The following PRKG1 variants were observed in gnomAD, a reference collection of about 807,000 sequenced individuals.
PRKG1 encodes the protein protein kinase cGMP-dependent 1, also known as cGMP-dependent protein kinase 1.
Under a neutral mutation model 88.1 loss-of-function variants are expected in PRKG1, and 35 were observed. The ratio of observed to expected loss-of-function variants is 0.40; its 90% CI spans 0.30 to 0.53. PRKG1 has a LOEUF of 0.53. Among genes scored for constraint, PRKG1 ranks in the 20% least tolerant of loss-of-function variants. The pLI is 0.59. For missense variants in PRKG1, 540 were observed against 839.8 expected (o/e 0.64, Z 4.41); for synonymous variants, 303 against 292.5 (o/e 1.04, Z -0.37).
intron 3 of PRKG1, among the ~76,000 whole-genome samples, chr10:51,571,668 T>C (rs1464537160): frequency 6.6e-6 from 1 of 151,986 alleles, no homozygotes; most frequent in Non-Finnish European, 1.5e-5. Flanking sequence ...CATACTGATA[T>C]GGCAGATTTC....
chr10:51,229,495 CAGAGCT>C (rs1018077469), intron 2 of PRKG1, among the ~76,000 whole-genome samples: 123 of 152,264 alleles, frequency 8.1e-4, no homozygotes, highest in African/African-American at 2.8e-3. Flanking sequence ...TGGTGAAGCT[CAGAGCT>C]AGATAACCTT....
Position 50,991,334 on chromosome 10 carries a change from C to A in PRKG1, c.-45C>A. 1 of 1,496,836 alleles carries A rather than the reference C, an allele frequency of 6.7e-7. No individual in the cohort carries two copies. Among genetic ancestry groups the A allele is most frequent in the Non-Finnish European group, 8.9e-7 (1 of 1,125,684 alleles). 92.7% of individuals were successfully genotyped at this position (1,496,836 alleles called of 1,614,324 possible). A position where few individuals can be genotyped will look rare whatever the true frequency, so the allele number is the denominator to read the frequency against. Reference sequence around the variant, plus strand: ...CAGCCGCCGCCGCCGCCGCCGCCGCCGCCGCCGCCCGAGAAAAAGTTTCGC... The same window carrying A: ...CAGCCGCCGCCGCCGCCGCCGCCGCAGCCGCCGCCCGAGAAAAAGTTTCGC... On this transcript the variant is annotated 5_prime_UTR_variant, in exon 1 of 18. Coordinates refer to the PRKG1 transcript ENST00000401604. This position sits in a 1 kb window ranked among gnomAD's most constrained non-coding sequence, Gnocchi z 4.5.
intron 4 of PRKG1, among the ~76,000 whole-genome samples, chr10:51,854,523 A>G (rs1032252546): frequency 6.6e-6 from 1 of 152,194 alleles, no homozygotes; most frequent in African/African-American, 2.4e-5. Context: ...GTACTGTGAA[A>G]TATAACACAA....
At chr10:52,193,158 A>G (rs1839408293) in intron 9 of PRKG1, among the ~76,000 whole-genome samples, 1 of 152,150 alleles carries the variant, frequency 6.6e-6, no homozygotes, top group African/African-American at 2.4e-5. Flanking sequence ...CACCTTAGAA[A>G]TTGTCCATTG....
At chr10:51,058,847 A>G (rs1255678149) in intron 1 of PRKG1, among the ~76,000 whole-genome samples, 1 of 152,170 alleles carries the variant, frequency 6.6e-6, no homozygotes, top group East Asian at 1.9e-4. Flanking sequence ...TCACACAAAA[A>G]GGGGCACAAG....
At chr10:51,728,449 C>CTTTTTTTTTTTT (rs201683049) in intron 3 of PRKG1, among the ~76,000 whole-genome samples, 27 of 57,906 alleles carry the variant, frequency 4.7e-4, no homozygotes, top group African/African-American at 8.9e-4. Flanking sequence ...TCCATTTTTT[C>CTTTTTTTTTTTT]TTTGTTTTTT....
chr10:51,484,306 A>G (rs1241265464), intron 3 of PRKG1, among the ~76,000 whole-genome samples: 2 of 152,202 alleles, frequency 1.3e-5, no homozygotes, highest in African/African-American at 2.4e-5. Flanking sequence ...TGTCTTTACT[A>G]AAGGCCATCG....
At chr10:51,907,715 C>T (rs550351841) in intron 5 of PRKG1, 145 bp downstream of exon 5, 4 of 611,006 alleles carry the variant, frequency 6.5e-6, no homozygotes, top group East Asian at 2.9e-5. Context: ...TATTTGGCTT[C>T]GTATAGAAAG....
intron 2 of PRKG1, among the ~76,000 whole-genome samples, chr10:51,211,476 C>G (rs555557862): frequency 3.9e-5 from 6 of 152,054 alleles, no homozygotes; most frequent in Non-Finnish European, 7.4e-5. Context: ...GGCAGTCAGG[C>G]AGGAGAAGGG....
intron 2 of PRKG1, among the ~76,000 whole-genome samples, chr10:51,249,800 A>T (rs1839383853): frequency 6.6e-6 from 1 of 151,834 alleles, no homozygotes; most frequent in Admixed American, 6.6e-5. Context: ...TGAACATGAC[A>T]AACACTACTA....
intron 5 of PRKG1, among the ~76,000 whole-genome samples, chr10:52,050,619 T>C (rs1479467049): frequency 6.6e-6 from 1 of 152,164 alleles, no homozygotes; most frequent in Non-Finnish European, 1.5e-5. Context: ...AAACCTAGAA[T>C]GCCTTTGGCC....
At chr10:51,884,312 G>A (rs1424766089) in intron 4 of PRKG1, among the ~76,000 whole-genome samples, 1 of 148,404 alleles carries the variant, frequency 6.7e-6, no homozygotes, top group Non-Finnish European at 1.5e-5. Context: ...AGGCGTGGTG[G>A]CGCGCGCCTG....
chr10:51,213,192 A>G (rs1838277442), intron 2 of PRKG1, among the ~76,000 whole-genome samples: 1 of 152,124 alleles, frequency 6.6e-6, no homozygotes, highest in East Asian at 1.9e-4. Flanking sequence ...GGAAACCATC[A>G]TTCTCTAGCA....
intron 5 of PRKG1, among the ~76,000 whole-genome samples, chr10:51,995,418 A>G (rs1844415324): frequency 6.6e-6 from 1 of 152,228 alleles, no homozygotes; most frequent in African/African-American, 2.4e-5. Context: ...AGAATTATTC[A>G]TTGTCTAAAA....
At chr10:52,070,881 C>T (rs1846479262) in intron 7 of PRKG1, among the ~76,000 whole-genome samples, 1 of 152,168 alleles carries the variant, frequency 6.6e-6, no homozygotes, top group South Asian at 2.1e-4. Context: ...TGAAATGAGA[C>T]TTCTTGGGTT....
At chr10:51,719,451 C>T (rs987598260) in intron 3 of PRKG1, among the ~76,000 whole-genome samples, 1 of 152,094 alleles carries the variant, frequency 6.6e-6, no homozygotes, top group Non-Finnish European at 1.5e-5. Flanking sequence ...AAGACAAACA[C>T]AAATTGAGGG....
At chr10:51,188,128 C>T (rs912656419) in intron 2 of PRKG1, among the ~76,000 whole-genome samples, 2 of 151,908 alleles carry the variant, frequency 1.3e-5, no homozygotes, top group African/African-American at 2.4e-5. Flanking sequence ...TGGCACTATA[C>T]GATGAACACT....
chr10:51,572,692 GT>G (rs1031987694), intron 3 of PRKG1, among the ~76,000 whole-genome samples: 29 of 151,720 alleles, frequency 1.9e-4, no homozygotes, highest in African/African-American at 6.0e-4. Context: ...TTTTTTGTTT[GT>G]TTGTTTTTTG....
intron 2 of PRKG1, among the ~76,000 whole-genome samples, chr10:51,177,429 G>T (rs1356376538): frequency 1.3e-5 from 2 of 152,060 alleles, no homozygotes; most frequent in Non-Finnish European, 2.9e-5. Context: ...AACAAACTTT[G>T]CTTATTTCTG....
Sources: allele counts gnomAD v4.1 joint callset (sites outside exome capture counted in the v4.1 genomes callset), GRCh38; gene constraint gnomAD v4.1.1; non-coding constraint Gnocchi (gnomAD v3.1); transcripts MANE v1.5; gene names NCBI Gene and HGNC (gene_info 2026-07-23, HGNC 2026-07-21).